CSMD1: variants seen among roughly 807,000 people sequenced by gnomAD.
The protein encoded by CSMD1 is CUB and Sushi multiple domains 1.
In CSMD1, 213 loss-of-function variants were observed where a neutral mutation model predicts 417.5. The ratio of observed to expected loss-of-function variants is 0.51; its 90% CI spans 0.46 to 0.57. The LOEUF is 0.57. CSMD1 is among the 20% of genes least tolerant of loss of function. CSMD1 has a pLI of 0.00. For synonymous variants in CSMD1, 2,862 were observed against 1,736.8 expected, an observed-to-expected ratio of 1.65 and a Z score of -16.11; for missense variants, 6,923 against 4,529.7, an observed-to-expected ratio of 1.53 and a Z score of -15.17.
chr8:4,481,894 G>A (rs1801118414), intron 2 of CSMD1, among the ~76,000 whole-genome samples: 2 of 152,118 alleles, frequency 1.3e-5, no homozygotes, highest in African/African-American at 4.8e-5. Flanking sequence ...AGATCAAGTA[G>A]CTTGATCAAA....
chr8:3,444,222 G>T (rs1815164519), intron 12 of CSMD1, among the ~76,000 whole-genome samples: 2 of 152,148 alleles, frequency 1.3e-5, no homozygotes, highest in Non-Finnish European at 2.9e-5. Flanking sequence ...CACTGGGCTG[G>T]ATGACTAATT....
chr8:3,312,164 C>G (rs1910377), intron 23 of CSMD1, among the ~76,000 whole-genome samples: 137,750 of 152,262 alleles, frequency 0.9, 62,610 homozygotes, highest in Middle Eastern at 0.96. Flanking sequence ...ACTTGGGTTG[C>G]ATTTTGTACA....
chr8:4,166,022 T>C (rs1050519785), intron 3 of CSMD1, among the ~76,000 whole-genome samples: 1 of 152,186 alleles, frequency 6.6e-6, no homozygotes, highest in Admixed American at 6.5e-5. Flanking sequence ...CTTTATATCC[T>C]TTTCTTGACC....
At chr8:4,593,882 A>T (rs1800120292) in intron 2 of CSMD1, among the ~76,000 whole-genome samples, 1 of 152,196 alleles carries the variant, frequency 6.6e-6, no homozygotes, top group Non-Finnish European at 1.5e-5. Flanking sequence ...ACCAGCTTAA[A>T]GCAACAGGAA....
rs192175183 is a variant in CSMD1, at chr8:3,777,889, G to A, written c.819-23847C>T. 1.2e-3 allele frequency among the ~76,000 whole-genome samples: 177 copies of A among 151,224 alleles called. No individual in the cohort carries two copies. The East Asian group carries it at 0.014, about 12-fold the overall frequency. ...TCCAGACCCGCAGTCTCCTTGAAGC[G>A]CAGAGTCTCAGTTCCCACTCCAGAC... On this transcript the variant is annotated intron_variant, in intron 5 of 69. Coordinates refer to ENST00000635120, the MANE Select transcript of CSMD1 (RefSeq NM_033225.6).
At chr8:3,340,609 G>A (rs1024298639) in intron 23 of CSMD1, among the ~76,000 whole-genome samples, 2 of 152,092 alleles carry the variant, frequency 1.3e-5, no homozygotes, top group Non-Finnish European at 2.9e-5. Flanking sequence ...TATCTAACCG[G>A]TCATCATTTC....
intron 1 of CSMD1, among the ~76,000 whole-genome samples, chr8:4,784,309 C>G (rs1171103945): frequency 3.9e-5 from 6 of 152,226 alleles, no homozygotes; most frequent in Non-Finnish European, 8.8e-5. Flanking sequence ...GCTCCCAACT[C>G]AAATAGAAAA....
intron 3 of CSMD1, among the ~76,000 whole-genome samples, chr8:4,208,183 A>T (rs1800094358): frequency 6.6e-6 from 1 of 152,188 alleles, no homozygotes; most frequent in African/African-American, 2.4e-5. Context: ...TAGAAATGAA[A>T]ATAGACTCAG....
intron 5 of CSMD1, among the ~76,000 whole-genome samples, chr8:3,923,280 C>T (rs1301245187): frequency 1.3e-5 from 2 of 152,130 alleles, no homozygotes; most frequent in Non-Finnish European, 2.9e-5. Context: ...GACTCTGGAG[C>T]CCAGGCTGTC....
intron 5 of CSMD1, among the ~76,000 whole-genome samples, chr8:3,990,627 G>T (rs746840006): frequency 1.3e-5 from 2 of 152,072 alleles, no homozygotes; most frequent in African/African-American, 4.8e-5. Context: ...TTGAAACTCT[G>T]GTATTTACTT....
intron 3 of CSMD1, among the ~76,000 whole-genome samples, chr8:4,337,396 AT>A (rs1800232565): frequency 6.6e-6 from 1 of 152,212 alleles, no homozygotes; most frequent in East Asian, 1.9e-4. Flanking sequence ...GTAAACAGGT[AT>A]TTTGTTTCAG....
intron 3 of CSMD1, among the ~76,000 whole-genome samples, chr8:4,225,242 T>A (rs954905274): frequency 6.6e-6 from 1 of 152,200 alleles, no homozygotes; most frequent in Non-Finnish European, 1.5e-5. Flanking sequence ...GGAGAATCAA[T>A]GACAAACCAT....
At chr8:4,644,095 T>C (rs1803369203) in intron 1 of CSMD1, among the ~76,000 whole-genome samples, 1 of 152,226 alleles carries the variant, frequency 6.6e-6, no homozygotes, top group South Asian at 2.1e-4. Context: ...GATTTCTCAC[T>C]GTGGAGTCTT....
intron 3 of CSMD1, among the ~76,000 whole-genome samples, chr8:4,176,798 G>C (rs1798071489): frequency 6.7e-6 from 1 of 149,006 alleles, no homozygotes; most frequent in Non-Finnish European, 1.5e-5. Context: ...TGATAAAACA[G>C]ACTTTAAACC....
intron 1 of CSMD1, among the ~76,000 whole-genome samples, chr8:4,920,962 GAAAGAAAGAAAGAAAGAAAC>G (rs751991793): frequency 0.41 from 5,364 of 13,056 alleles, 856 homozygotes; most frequent in South Asian, 0.51. Context: ...AAGAAAGAAA[GAAAGAAAGAAAGAAAGAAAC>G]AAAGAAAGAA....
At chr8:4,041,833 G>C (rs971819669) in intron 3 of CSMD1, among the ~76,000 whole-genome samples, 1 of 151,976 alleles carries the variant, frequency 6.6e-6, no homozygotes, top group Non-Finnish European at 1.5e-5. Context: ...AACAAACCCA[G>C]ATTGAACATC....
chr8:4,569,075 C>T (rs943036074), intron 2 of CSMD1, among the ~76,000 whole-genome samples: 4 of 150,008 alleles, frequency 2.7e-5, no homozygotes, highest in Admixed American at 2.7e-4. Context: ...GTTGCCTGTT[C>T]ACTGTTCACT....
intron 50 of CSMD1, among the ~76,000 whole-genome samples, chr8:3,041,174 T>A (rs1479111091): frequency 6.6e-6 from 1 of 152,174 alleles, no homozygotes; most frequent in Non-Finnish European, 1.5e-5. Context: ...TTTTTGGACT[T>A]AATAAAAAGG....
chr8:4,446,735 G>A (rs1370225167), intron 2 of CSMD1, among the ~76,000 whole-genome samples: 2 of 113,642 alleles, frequency 1.8e-5, no homozygotes, highest in Admixed American at 9.5e-5. Flanking sequence ...GTGTGTGTCT[G>A]TGTGTGTGTG....
Sources: allele counts gnomAD v4.1 joint callset (sites outside exome capture counted in the v4.1 genomes callset), GRCh38; gene constraint gnomAD v4.1.1; transcripts MANE v1.5; gene names NCBI Gene and HGNC (gene_info 2026-07-23, HGNC 2026-07-21).